MCTP1: variants seen among roughly 807,000 people sequenced by gnomAD.
MCTP1 encodes the protein multiple C2 and transmembrane domain-containing protein 1.
A neutral mutation model predicts 120.6 loss-of-function variants in MCTP1; 69 were observed. That is an observed-to-expected ratio of 0.57 (90% CI 0.47 to 0.70). The LOEUF is 0.70. MCTP1 is among the 30% of genes least tolerant of loss of function. The pLI is 0.00. For synonymous variants in MCTP1, 529 were observed against 493.1 expected (o/e 1.07, Z -0.96); for missense variants, 1,203 against 1,248.8 (o/e 0.96, Z 0.55).
In MCTP1 at chr5:95,284,999, G is replaced by T. The variant is rs1466827534; in HGVS notation, c.-424C>A. Among the ~76,000 whole-genome samples the T allele has an allele frequency of 6.6e-6, 1 of 152,182 alleles. No homozygotes were observed. Among genetic ancestry groups the T allele is most frequent in the Non-Finnish European group, 1.5e-5 (1 of 68,018 alleles). On this transcript the variant is annotated 5_prime_UTR_variant, in exon 1 of 23. Transcript: ENST00000515393. The surrounding 1 kb of genome is among the most constrained non-coding windows in gnomAD (Gnocchi z 5.2). Reference sequence around the variant, plus strand: ...GGCGTGCGCGTCCAGCTGCGCCAGGGACCGCACCCGGCGCCCTCTGGGCAG... The same window carrying T: ...GGCGTGCGCGTCCAGCTGCGCCAGGTACCGCACCCGGCGCCCTCTGGGCAG...
intron 17 of MCTP1, among the ~76,000 whole-genome samples, chr5:94,813,077 A>T (rs1314200308): frequency 6.6e-6 from 1 of 152,232 alleles, no homozygotes; most frequent in South Asian, 2.1e-4. Flanking sequence ...TGCAAATAAT[A>T]TATCTGATTA....
intron 14 of MCTP1, 108 bp downstream of exon 14, chr5:94,871,207 A>T (rs1339391199): frequency 1.3e-5 from 10 of 766,242 alleles, no homozygotes; most frequent in Admixed American, 2.4e-5. Flanking sequence ...CTTATTACAG[A>T]CCTTGGTTGA....
In MCTP1 at chr5:94,998,941, C is replaced by A. The variant is rs193106334; in HGVS notation, c.838+18426G>T. Among the ~76,000 whole-genome samples the A allele has an allele frequency of 2.9e-4, 44 of 152,254 alleles. No homozygotes were observed. In the East Asian group the frequency reaches 8.1e-3, roughly 28 times the overall value. Reference sequence around the variant, plus strand: ...TTCCTTCCCTTCGGCAGAGGCAGAGCGTTTGCTTTCCGTTTCCCTGGAAGC... The same window carrying A: ...TTCCTTCCCTTCGGCAGAGGCAGAGAGTTTGCTTTCCGTTTCCCTGGAAGC... On this transcript the variant is annotated intron_variant, in intron 2 of 22. Transcript: ENST00000515393.
intron 17 of MCTP1, among the ~76,000 whole-genome samples, chr5:94,836,318 C>T (rs1481364566): frequency 1.3e-5 from 2 of 151,604 alleles, no homozygotes; most frequent in Non-Finnish European, 2.9e-5. Context: ...ATACAAAATG[C>T]TAACCAGTCC....
chr5:95,024,718 AT>A (rs1165275588), intron 1 of MCTP1, among the ~76,000 whole-genome samples: 31 of 151,950 alleles, frequency 2.0e-4, no homozygotes, highest in Admixed American at 2.0e-3. Context: ...TGATAATGGA[AT>A]TCATTAAAGT....
intron 2 of MCTP1, among the ~76,000 whole-genome samples, chr5:94,973,778 G>A (rs1203680527): frequency 6.6e-6 from 1 of 152,102 alleles, no homozygotes; most frequent in African/African-American, 2.4e-5. Context: ...TGAGGGGGAT[G>A]AAAAGGCTCA....
At chr5:95,010,594 C>T (rs1319732034) in intron 2 of MCTP1, among the ~76,000 whole-genome samples, 1 of 151,988 alleles carries the variant, frequency 6.6e-6, no homozygotes, top group Non-Finnish European at 1.5e-5. Flanking sequence ...TTTATCTTTA[C>T]CCAATAAAAA....
intron 1 of MCTP1, among the ~76,000 whole-genome samples, chr5:95,124,590 C>T (rs1257513871): frequency 6.6e-6 from 1 of 152,182 alleles, no homozygotes; most frequent in African/African-American, 2.4e-5. Flanking sequence ...CCCTGAAGTA[C>T]AGTAGTCCTT....
intron 1 of MCTP1, among the ~76,000 whole-genome samples, chr5:95,127,178 C>T (rs1324637846): frequency 1.3e-5 from 2 of 151,884 alleles, no homozygotes; most frequent in Non-Finnish European, 2.9e-5. Context: ...TTGAAGGGTC[C>T]GTGACCAGAG....
At chr5:94,834,564 G>T (rs1323487184) in intron 17 of MCTP1, among the ~76,000 whole-genome samples, 1 of 152,112 alleles carries the variant, frequency 6.6e-6, no homozygotes, top group Non-Finnish European at 1.5e-5. Flanking sequence ...TTTCAAAGCT[G>T]CAATGAATTA....
chr5:94,950,593 A>G (rs1460959257), intron 3 of MCTP1, among the ~76,000 whole-genome samples: 2 of 152,124 alleles, frequency 1.3e-5, no homozygotes, highest in Non-Finnish European at 2.9e-5. Flanking sequence ...CCTATACTGT[A>G]TATTTATACA....
intron 11 of MCTP1, 115 bp from the exon 12 acceptor site, chr5:94,889,087 C>A: frequency 1.6e-6 from 1 of 609,698 alleles, no homozygotes; most frequent in Non-Finnish European, 2.8e-6. Context: ...GTAAGAAGAT[C>A]AACATTAAAC....
intron 1 of MCTP1, among the ~76,000 whole-genome samples, chr5:95,138,235 C>CCCCA (rs1374049952): frequency 2.7e-5 from 4 of 148,842 alleles, no homozygotes; most frequent in Admixed American, 2.0e-4. Context: ...GAGATGCAAC[C>CCCCA]CCCCCCCGAC....
At chr5:95,058,950 T>C (rs1402939423) in intron 1 of MCTP1, among the ~76,000 whole-genome samples, 1 of 152,176 alleles carries the variant, frequency 6.6e-6, no homozygotes, top group Admixed American at 6.5e-5. Context: ...ACCACCCTTT[T>C]CACCCAGGCC....
Position 95,284,731 on chromosome 5 carries a change from A to T in MCTP1, c.-156T>A, listed in dbSNP as rs2152750394. 6.6e-6 allele frequency among the ~76,000 whole-genome samples: 1 copy of T among 150,990 alleles called. No homozygotes were observed. The highest frequency in any genetic ancestry group is 2.4e-5 in the African/African-American group (1 of 41,112). ...CAGCAGAAACCGGGAGTGCCCAGCG[A>T]CTTCAGGCCAGCTCGGGGGAAAGAA... On this transcript the variant is annotated 5_prime_UTR_variant, in exon 1 of 23. Transcript: ENST00000515393. The surrounding 1 kb of genome is among the most constrained non-coding windows in gnomAD (Gnocchi z 5.2).
At chr5:94,933,384 T>TATC (rs1012027766) in intron 5 of MCTP1, among the ~76,000 whole-genome samples, 1 of 151,648 alleles carries the variant, frequency 6.6e-6, no homozygotes, top group African/African-American at 2.4e-5. Flanking sequence ...TTATCATCAG[T>TATC]ATCATCATCA....
intron 19 of MCTP1, among the ~76,000 whole-genome samples, chr5:94,719,773 C>CA (rs1299716684): frequency 6.6e-6 from 1 of 152,162 alleles, no homozygotes; most frequent in Non-Finnish European, 1.5e-5. Context: ...ACCACCATGG[C>CA]ACATGTTTAC....
intron 2 of MCTP1, among the ~76,000 whole-genome samples, chr5:94,966,604 G>A (rs1285395178): frequency 6.6e-6 from 1 of 152,096 alleles, no homozygotes; most frequent in Non-Finnish European, 1.5e-5. Context: ...GACCATCCTG[G>A]CTAACACGGT....
intron 1 of MCTP1, among the ~76,000 whole-genome samples, chr5:95,268,137 T>C (rs1457711880): frequency 6.6e-6 from 1 of 152,262 alleles, no homozygotes; most frequent in Non-Finnish European, 1.5e-5. Context: ...TTGTAATTGG[T>C]AACAATTTGC....
Sources: gnomAD v4.1 joint callset for allele counts (sites outside exome capture counted in the v4.1 genomes callset) on GRCh38, gnomAD v4.1.1 for gene constraint, Gnocchi (gnomAD v3.1) non-coding constraint, MANE v1.5 for transcripts, NCBI Gene and HGNC (gene_info 2026-07-23, HGNC 2026-07-21) for gene names.